LARGE1: variants seen among roughly 807,000 people sequenced by gnomAD.
LARGE1 encodes xylosyl- and glucuronyltransferase LARGE1.
LARGE1 carries 43 observed loss-of-function variants against 87.6 expected under a neutral mutation model. The ratio of observed to expected loss-of-function variants is 0.49; its 90% CI spans 0.38 to 0.63. The LOEUF (loss-of-function observed/expected upper bound fraction) is 0.63, where lower values mean the gene tolerates loss of function less well. Among genes scored for constraint, LARGE1 ranks in the 30% least tolerant of loss-of-function variants. The probability of loss-of-function intolerance (pLI) is 0.00; values close to 1 mark genes in which losing one functional copy is unlikely to be tolerated. For missense variants in LARGE1, 802 were observed against 1,000.2 expected (o/e 0.80, Z 2.67); for synonymous variants, 434 against 394.6 (o/e 1.10, Z -1.18).
chr22:33,291,766 C>T (rs1295058023), intron 12 of LARGE1, among the ~76,000 whole-genome samples: 3 of 151,646 alleles, frequency 2.0e-5, no homozygotes, highest in East Asian at 1.9e-4. Flanking sequence ...GAGAACATGG[C>T]GTTCCTCCCC....
chr22:33,466,919 A>G (rs926556390), intron 6 of LARGE1, among the ~76,000 whole-genome samples: 4 of 152,178 alleles, frequency 2.6e-5, no homozygotes, highest in African/African-American at 7.2e-5. Flanking sequence ...GCACGCCTGT[A>G]ATCCCACCTA....
intron 4 of LARGE1, among the ~76,000 whole-genome samples, chr22:33,612,925 A>G (rs1416847891): frequency 6.6e-6 from 1 of 152,220 alleles, no homozygotes; most frequent in Non-Finnish European, 1.5e-5. Context: ...TCCTCCTTCA[A>G]TCTTCTTCTG....
At chr22:33,439,835 G>A (rs2067405445) in intron 6 of LARGE1, among the ~76,000 whole-genome samples, 1 of 152,066 alleles carries the variant, frequency 6.6e-6, no homozygotes, top group Non-Finnish European at 1.5e-5. Context: ...TGTTTTCTTG[G>A]TTGGTAGCAT....
At chr22:33,519,564 C>T (rs570002324) in intron 6 of LARGE1, among the ~76,000 whole-genome samples, 1 of 152,274 alleles carries the variant, frequency 6.6e-6, no homozygotes, top group South Asian at 2.1e-4. Flanking sequence ...AGACACTCCC[C>T]ACCCACACTG....
chr22:33,874,119 T>A (rs2064390936), intron 1 of LARGE1, among the ~76,000 whole-genome samples: 1 of 152,142 alleles, frequency 6.6e-6, no homozygotes, highest in Non-Finnish European at 1.5e-5. Context: ...GCTTTTTGCA[T>A]CCTACCTCTG....
At chr22:33,585,828 C>G (rs1362592623) in intron 5 of LARGE1, among the ~76,000 whole-genome samples, 1 of 152,036 alleles carries the variant, frequency 6.6e-6, no homozygotes, top group East Asian at 1.9e-4. Context: ...CGTGACCTCT[C>G]CCCATTAGGT....
At chr22:33,641,682 A>C (rs1028054600) in intron 3 of LARGE1, among the ~76,000 whole-genome samples, 2 of 152,230 alleles carry the variant, frequency 1.3e-5, no homozygotes, top group African/African-American at 2.4e-5. Flanking sequence ...TTAGAGAAGA[A>C]GAACATCAAT....
chr22:33,288,559 G>A (rs1931963497), intron 12 of LARGE1, among the ~76,000 whole-genome samples: 1 of 152,174 alleles, frequency 6.6e-6, no homozygotes, highest in African/African-American at 2.4e-5. Context: ...GGAGACCCCT[G>A]AGGACTGTGC....
intron 1 of LARGE1, among the ~76,000 whole-genome samples, chr22:33,827,640 G>A (rs2062839228): frequency 6.6e-6 from 1 of 152,222 alleles, no homozygotes; most frequent in African/African-American, 2.4e-5. Flanking sequence ...GAGGGCGTGT[G>A]ATGAGAAGAG....
chr22:33,374,035 G>C (rs2064914399), intron 9 of LARGE1, among the ~76,000 whole-genome samples: 1 of 148,706 alleles, frequency 6.7e-6, no homozygotes, highest in Admixed American at 6.7e-5. Context: ...TCTTCCACCA[G>C]TATACCTTGA....
At chr22:33,191,401 C>T (rs569663786) in intron 11 of LARGE1, among the ~76,000 whole-genome samples, 8 of 152,278 alleles carry the variant, frequency 5.3e-5, no homozygotes, top group South Asian at 2.1e-4. Context: ...ATCTCTGGAG[C>T]GGTGCGCCCA....
At chr22:33,876,795 A>C (rs1016885753) in intron 1 of LARGE1, among the ~76,000 whole-genome samples, 3 of 152,098 alleles carry the variant, frequency 2.0e-5, no homozygotes, top group Non-Finnish European at 4.4e-5. Context: ...CATTCTGCAC[A>C]TGTATCTCAA....
At chr22:33,797,363 G>A (rs1569450759) in intron 1 of LARGE1, among the ~76,000 whole-genome samples, 1 of 152,088 alleles carries the variant, frequency 6.6e-6, no homozygotes, top group Non-Finnish European at 1.5e-5. Flanking sequence ...TTCCCAAAAC[G>A]ATCTAGGGTG....
intron 11 of LARGE1, among the ~76,000 whole-genome samples, chr22:33,223,389 C>T (rs368545394): frequency 1.3e-5 from 2 of 152,266 alleles, no homozygotes; most frequent in South Asian, 2.1e-4. Flanking sequence ...GCTATAGGCA[C>T]CTTTTCTTCA....
chr22:33,427,051 T>C (rs2066904864), intron 7 of LARGE1, among the ~76,000 whole-genome samples: 1 of 152,254 alleles, frequency 6.6e-6, no homozygotes, highest in African/African-American at 2.4e-5. Context: ...TGTTTGTTTT[T>C]AAGATATTCA....
chr22:33,305,862 G>T (rs1178941549), intron 11 of LARGE1, among the ~76,000 whole-genome samples: 17 of 122,486 alleles, frequency 1.4e-4, no homozygotes, highest in Admixed American at 1.3e-3. Flanking sequence ...TTTTTTTGAG[G>T]CGGAGTCTTG....
chr22:33,177,919 G>C (rs1602050788), intron 11 of LARGE1, among the ~76,000 whole-genome samples: 1 of 152,252 alleles, frequency 6.6e-6, no homozygotes, highest in East Asian at 1.9e-4. Context: ...CAAGATCTGT[G>C]CTTGAAAAGT....
chr22:33,597,007 CCAGAG>C (rs2078994324), intron 5 of LARGE1, among the ~76,000 whole-genome samples: 1 of 152,148 alleles, frequency 6.6e-6, no homozygotes, highest in South Asian at 2.1e-4. Flanking sequence ...GCAGGACATC[CCAGAG>C]CAGATAATGC....
intron 12 of LARGE1, among the ~76,000 whole-genome samples, chr22:33,294,572 C>G (rs1388820250): frequency 1.3e-5 from 2 of 152,170 alleles, no homozygotes; most frequent in East Asian, 3.9e-4. Flanking sequence ...AACCGGCCTC[C>G]CCGTACCTCC....
Sources: allele counts gnomAD v4.1 joint callset (sites outside exome capture counted in the v4.1 genomes callset), GRCh38; gene constraint gnomAD v4.1.1; transcripts MANE v1.5; gene names NCBI Gene and HGNC (gene_info 2026-07-23, HGNC 2026-07-21).